Variants in SCN8A observed in about 807,000 individuals in gnomAD.
SCN8A encodes the protein sodium voltage-gated channel alpha subunit 8, also known as sodium channel protein type 8 subunit alpha.
SCN8A carries 30 observed loss-of-function variants against 184.1 expected under a neutral mutation model. The observed-to-expected ratio is 0.16, with a 90% confidence interval of 0.12 to 0.22. The LOEUF (loss-of-function observed/expected upper bound fraction) is 0.22. SCN8A is among the 10% of genes least tolerant of loss of function. The probability of loss-of-function intolerance (pLI) is 1.00; values close to 1 mark genes in which losing one functional copy is unlikely to be tolerated. For missense variants in SCN8A, 1,057 were observed against 2,498.9 expected (o/e 0.42, Z 12.30); for synonymous variants, 852 against 907.0 (o/e 0.94, Z 1.09).
At chr12:51,690,228 A>G (rs1196748936) in intron 6 of SCN8A, among the ~76,000 whole-genome samples, 1 of 152,194 alleles carries the variant, frequency 6.6e-6, no homozygotes, top group Non-Finnish European at 1.5e-5. Flanking sequence ...CTCCGTAGAG[A>G]CCAGGCTTTC....
rs746131591 is a variant in SCN8A at position 51,702,794 on chromosome 12, G to A, written c.1014G>A (p.Gln338=). Residue 338 remains glutamine (Q), a synonymous_variant, in exon 9 of 27, where the codon CAG becomes CAA. Transcript: ENST00000627620. The part of the protein sequence containing the change: ...SDAGQCPEGY[Q]CMKAGRNPNY... The stretch of plus-strand genomic sequence containing the variant: ...TTAGGCAATGCCCAGAGGGATACCA[G>A]TGTATGAAAGCAGGAAGGAACCCCA... 1 of 1,609,094 alleles carries A rather than the reference G, an allele frequency of 6.2e-7. No individual in the cohort carries two copies. The highest frequency in any genetic ancestry group is 1.7e-5 in the Admixed American group (1 of 59,528).
At chr12:51,803,684 C>A (rs959317288) in intron 26 of SCN8A, among the ~76,000 whole-genome samples, 1 of 152,120 alleles carries the variant, frequency 6.6e-6, no homozygotes, top group African/African-American at 2.4e-5. Context: ...CATATATGGG[C>A]TGCAAGTATC....
intron 1 of SCN8A, among the ~76,000 whole-genome samples, chr12:51,637,731 G>A (rs1039110291): frequency 6.6e-6 from 1 of 152,218 alleles, no homozygotes; most frequent in Non-Finnish European, 1.5e-5. Flanking sequence ...AGTATAAGAT[G>A]AAGGAGCAAG....
intron 14 of SCN8A, among the ~76,000 whole-genome samples, chr12:51,754,309 A>G (rs1252414058): frequency 7.3e-6 from 1 of 137,714 alleles, no homozygotes; most frequent in African/African-American, 2.6e-5. Flanking sequence ...TTTCAAGTAC[A>G]GTACAAAAAA....
intron 1 of SCN8A, among the ~76,000 whole-genome samples, chr12:51,592,726 A>G (rs1344114861): frequency 6.6e-6 from 1 of 151,614 alleles, no homozygotes; most frequent in Non-Finnish European, 1.5e-5. Context: ...GGTGGGGGCC[A>G]TGGGGGTAAA....
chr12:51,725,417 T>C (rs1192997121), intron 12 of SCN8A, among the ~76,000 whole-genome samples: 1 of 152,234 alleles, frequency 6.6e-6, no homozygotes, highest in Non-Finnish European at 1.5e-5. Context: ...TTCTTCCTTA[T>C]ACTTTTCTGT....
intron 4 of SCN8A, 62 bp downstream of exon 4, chr12:51,686,519 C>G: frequency 8.5e-7 from 1 of 1,178,380 alleles, no homozygotes; most frequent in East Asian, 2.4e-5. Context: ...CTAAATCTTG[C>G]TTTGCCACAG....
At chr12:51,786,972 G>T in intron 22 of SCN8A, 146 bp downstream of exon 22, 1 of 766,004 alleles carries the variant, frequency 1.3e-6, no homozygotes, top group East Asian at 2.7e-5. Flanking sequence ...CCCCAAACCA[G>T]TTTCAGAGAG....
chr12:51,752,863 A>G (rs1784526236), intron 14 of SCN8A, among the ~76,000 whole-genome samples: 1 of 152,202 alleles, frequency 6.6e-6, no homozygotes, highest in Admixed American at 6.5e-5. Flanking sequence ...GTTAAGTAAC[A>G]AGAAATATGT....
chr12:51,650,737 C>G (rs1370699311), intron 1 of SCN8A, among the ~76,000 whole-genome samples: 2 of 152,108 alleles, frequency 1.3e-5, no homozygotes, highest in Non-Finnish European at 2.9e-5. Context: ...CTGGCCCACC[C>G]CACATTGGGC....
intron 11 of SCN8A, among the ~76,000 whole-genome samples, chr12:51,709,831 A>G (rs1941845129): frequency 6.6e-6 from 1 of 152,330 alleles, no homozygotes; most frequent in African/African-American, 2.4e-5. Flanking sequence ...TTAACAGAAA[A>G]GGGACCCTTG....
chr12:51,719,580 C>G (rs1324040000), intron 11 of SCN8A, among the ~76,000 whole-genome samples: 5 of 91,140 alleles, frequency 5.5e-5, no homozygotes, highest in African/African-American at 2.2e-4. Context: ...TCCTGTAATC[C>G]CAGCACTTTG....
intron 2 of SCN8A, among the ~76,000 whole-genome samples, chr12:51,668,201 T>A (rs1941070077): frequency 1.4e-5 from 2 of 138,824 alleles, no homozygotes; most frequent in Non-Finnish European, 3.2e-5. Context: ...AAAAAAAAAA[T>A]TATATATAGC....
chr12:51,705,074 A>T (rs574939521), intron 9 of SCN8A, among the ~76,000 whole-genome samples: 1 of 152,218 alleles, frequency 6.6e-6, no homozygotes, highest in Admixed American at 6.5e-5. Context: ...GGATCTGTAG[A>T]TAAATAAACT....
chr12:51,795,029 G>C (rs1324986458), intron 26 of SCN8A, among the ~76,000 whole-genome samples: 1 of 152,200 alleles, frequency 6.6e-6, no homozygotes, highest in Non-Finnish European at 1.5e-5. Flanking sequence ...TAATGAAATA[G>C]TCTAGGTAAG....
chr12:51,782,072 A>G (rs1225259023), intron 21 of SCN8A, among the ~76,000 whole-genome samples: 1 of 152,192 alleles, frequency 6.6e-6, no homozygotes, highest in African/African-American at 2.4e-5. Context: ...GCTTTTTGCA[A>G]CAAATTCATG....
chr12:51,810,074 A>G lies in SCN8A; in HGVS notation c.*2645A>G, dbSNP rs1475418537. On this transcript the variant is annotated 3_prime_UTR_variant, in exon 27 of 27. Coordinates refer to ENST00000627620, the MANE Select transcript of SCN8A (RefSeq NM_001330260.2). Reference sequence around the variant, plus strand: ...ACCATGTGCTCATGCTAGTGATGTCATTAAGCTACTAGGGCATAGTGATGA... The same window carrying G: ...ACCATGTGCTCATGCTAGTGATGTCGTTAAGCTACTAGGGCATAGTGATGA... The G allele has an allele frequency of 6.1e-6, 1 of 165,138 alleles. No individual in the cohort carries two copies. Among genetic ancestry groups the G allele is most frequent in the African/African-American group, 2.4e-5 (1 of 41,662 alleles). The allele number at this position is 165,138 out of a possible 1,614,324, so 10.2% of individuals were successfully genotyped here.
intron 1 of SCN8A, among the ~76,000 whole-genome samples, chr12:51,607,432 T>A (rs1939619824): frequency 6.6e-6 from 1 of 152,200 alleles, no homozygotes; most frequent in South Asian, 2.1e-4. Flanking sequence ...TTCTCTTCTC[T>A]GATTGCTCTG....
intron 12 of SCN8A, among the ~76,000 whole-genome samples, chr12:51,736,429 C>T (rs1251560961): frequency 1.3e-5 from 2 of 152,202 alleles, no homozygotes; most frequent in Non-Finnish European, 2.9e-5. Context: ...TTACAGTCCT[C>T]GAGGGTTAAC....
Sources: gnomAD v4.1 joint callset for allele counts (sites outside exome capture counted in the v4.1 genomes callset) on GRCh38, gnomAD v4.1.1 for gene constraint, MANE v1.5 for transcripts, NCBI Gene and HGNC (gene_info 2026-07-23, HGNC 2026-07-21) for gene names.